Variants in LRP5 observed in about 807,000 individuals in gnomAD.
LRP5 encodes LDL receptor related protein 5, also known as low-density lipoprotein receptor-related protein 5.
Under a neutral mutation model 154.1 loss-of-function variants are expected in LRP5, and 62 were observed. That is an observed-to-expected ratio of 0.40 (90% CI 0.33 to 0.50). LRP5 has a LOEUF of 0.50. Ranked by LOEUF, LRP5 falls within the 20% of genes least tolerant of loss-of-function variation. LRP5 has a pLI of 0.55. For missense variants in LRP5, 1,915 were observed against 2,336.7 expected (o/e 0.82, Z 3.72); for synonymous variants, 966 against 1,011.5 (o/e 0.96, Z 0.85).
chr11:68,351,907 G>A (rs1018779473), intron 2 of LRP5, among the ~76,000 whole-genome samples: 2 of 152,128 alleles, frequency 1.3e-5, no homozygotes, highest in Admixed American at 6.5e-5. Flanking sequence ...TGGGGGCAGC[G>A]CGGTCCAGGC....
chr11:68,400,314 A>G (rs1191130611), intron 7 of LRP5, among the ~76,000 whole-genome samples: 5 of 152,188 alleles, frequency 3.3e-5, no homozygotes, highest in African/African-American at 4.8e-5. Flanking sequence ...CAATGAAGCC[A>G]GGGAAATGGA....
chr11:68,336,765 G>A (rs945283255), intron 1 of LRP5, among the ~76,000 whole-genome samples: 11 of 152,164 alleles, frequency 7.2e-5, no homozygotes, highest in Non-Finnish European at 1.0e-4. Flanking sequence ...CACCGTGCCC[G>A]GCCTGCATTT....
chr11:68,341,020 G>A lies in LRP5; in HGVS notation c.92-6827G>A, dbSNP rs535083498. The stretch of plus-strand genomic sequence containing the variant: ...AGTTAATTGGTGCTACCTTTCCACG[G>A]AGACAATAGTCTAGTTACCCCTGCC... On this transcript the variant is annotated intron_variant, in intron 1 of 22. Transcript: ENST00000294304. Among the ~76,000 whole-genome samples, 6 of 141,230 alleles carry A rather than the reference G, an allele frequency of 4.2e-5. No homozygotes were observed. In the South Asian group the frequency reaches 1.3e-3, roughly 31 times the overall value. The allele number at this position is 141,230 out of a possible 152,430, so 92.7% of individuals were successfully genotyped here.
intron 2 of LRP5, among the ~76,000 whole-genome samples, chr11:68,355,332 C>T (rs943696871): frequency 5.3e-5 from 8 of 152,164 alleles, no homozygotes; most frequent in Non-Finnish European, 1.2e-4. Context: ...TGGGGTTTGC[C>T]GCCCACCCCA....
intron 1 of LRP5, among the ~76,000 whole-genome samples, chr11:68,338,131 G>A (rs1177621663): frequency 6.6e-6 from 1 of 152,200 alleles, no homozygotes; most frequent in East Asian, 1.9e-4. Flanking sequence ...GCTGGCACTG[G>A]ACGCAGGATC....
rs183632781 is a variant in LRP5, at chr11:68,344,023, C to G, written c.92-3824C>G. On this transcript the variant is annotated intron_variant, in intron 1 of 22. Transcript: ENST00000294304. ...AAATGCAGACCTCTCAGCTGGTGTT[C>G]CAGAGCAGCTGCCTTCCCCCGCCCG... is the stretch of plus-strand genomic sequence containing the variant. Among the ~76,000 whole-genome samples the G allele has an allele frequency of 1.3e-4, 20 of 152,246 alleles. No individual in the cohort carries two copies. In the East Asian group the frequency reaches 3.9e-3, roughly 30 times the overall value.
At chr11:68,407,229 C>T (rs944126826) in intron 9 of LRP5, among the ~76,000 whole-genome samples, 3 of 150,610 alleles carry the variant, frequency 2.0e-5, no homozygotes, top group African/African-American at 7.3e-5. Context: ...AGTACCGTAG[C>T]GTGAGCTCAG....
chr11:68,363,974 G>T (rs1591229469), intron 4 of LRP5, 31 bp downstream of exon 4: 1 of 1,398,766 alleles, frequency 7.1e-7, no homozygotes, highest in Non-Finnish European at 9.7e-7. Flanking sequence ...GGGGGCGAGG[G>T]TGCGGGGGCT....
chr11:68,433,802 G>A lies in LRP5; in HGVS notation c.3964G>A (p.Asp1322Asn). 2 of 1,612,628 alleles carry A rather than the reference G, an allele frequency of 1.2e-6. No homozygotes were observed. Among genetic ancestry groups the A allele is most frequent in the African/African-American group, 1.3e-5 (1 of 75,050 alleles). ...DLRLRCDGEA[D>N]CQDRSDEADC... The stretch of plus-strand genomic sequence containing the variant: ...GCGCCTGCGCTGCGACGGCGAGGCA[G>A]ACTGTCAGGACCGCTCAGACGAGGC... Residue 1322 changes from aspartate to asparagine, a missense_variant, in exon 18 of 23, where the codon GAC becomes AAC. Transcript: ENST00000294304.
intron 7 of LRP5, among the ~76,000 whole-genome samples, chr11:68,402,001 G>T (rs1293431514): frequency 1.3e-5 from 2 of 152,136 alleles, no homozygotes; most frequent in Non-Finnish European, 2.9e-5. Context: ...GGCCCTAGCA[G>T]CTTTGTCCTG....
upstream of LRP5, among the ~76,000 whole-genome samples, chr11:68,310,178 T>C (rs1591157345): frequency 6.6e-6 from 1 of 151,820 alleles, no homozygotes; most frequent in East Asian, 1.9e-4. Context: ...TGGGTGGTGG[T>C]GGTGGGGGGT....
At chr11:68,352,303 C>T (rs373340931) in intron 2 of LRP5, among the ~76,000 whole-genome samples, 103 of 152,316 alleles carry the variant, frequency 6.8e-4, no homozygotes, top group African/African-American at 2.4e-3. Context: ...AAGGTTGGCA[C>T]GGTGCCACTC....
chr11:68,385,053 G>A (rs892507759), intron 5 of LRP5, among the ~76,000 whole-genome samples: 1 of 152,238 alleles, frequency 6.6e-6, no homozygotes, highest in Non-Finnish European at 1.5e-5. Context: ...CAGATGCCCA[G>A]AGCAGAGGGA....
chr11:68,366,860 A>G (rs1011390865), intron 5 of LRP5, among the ~76,000 whole-genome samples: 1 of 152,026 alleles, frequency 6.6e-6, no homozygotes, highest in Non-Finnish European at 1.5e-5. Context: ...TTGCTCATTC[A>G]TTCGTTCATC....
In LRP5 at chr11:68,403,967, C is replaced by T. The variant is rs1306788002; in HGVS notation, c.1801+268C>T. 3 of 557,076 alleles carry T rather than the reference C, an allele frequency of 5.4e-6. No individual in the cohort carries two copies. The Admixed American group carries it at 9.3e-5, about 17-fold the overall frequency. The allele number at this position is 557,076 out of a possible 1,614,324, so 34.5% of individuals were successfully genotyped here. On this transcript the variant is annotated intron_variant, in intron 8 of 22. Transcript: ENST00000294304. The stretch of plus-strand genomic sequence containing the variant: ...GCACCTGCTGTGTGCCCGGCCCTGG[C>T]CGGGAGCCTTCGTGCCCACAGTGAC...
intron 2 of LRP5, among the ~76,000 whole-genome samples, chr11:68,351,215 G>T (rs1054666580): frequency 6.6e-6 from 1 of 152,038 alleles, no homozygotes; most frequent in African/African-American, 2.4e-5. Context: ...GCCTCCCAGG[G>T]GTGCTGTGCT....
chr11:68,300,033 C>G, the LRP5 span, among the ~76,000 whole-genome samples: 1 of 148,076 alleles, frequency 6.8e-6, no homozygotes, highest in Non-Finnish European at 1.5e-5. Context: ...AAGTAGCTAG[C>G]CACCATGCCC....
chr11:68,373,711 T>C (rs934186803), intron 5 of LRP5, among the ~76,000 whole-genome samples: 1 of 152,254 alleles, frequency 6.6e-6, no homozygotes, highest in African/African-American at 2.4e-5. Flanking sequence ...GGCTTCGGTT[T>C]CTGCCATGTT....
intron 5 of LRP5, among the ~76,000 whole-genome samples, chr11:68,376,799 A>G (rs1158553585): frequency 6.6e-6 from 1 of 152,160 alleles, no homozygotes; most frequent in Non-Finnish European, 1.5e-5. Flanking sequence ...CGCCTGCCTA[A>G]AGGGGGGAGT....
Sources: allele counts gnomAD v4.1 joint callset (sites outside exome capture counted in the v4.1 genomes callset), GRCh38; gene constraint gnomAD v4.1.1; transcripts MANE v1.5; gene names NCBI Gene and HGNC (gene_info 2026-07-23, HGNC 2026-07-21).